The following EPHA3 variants were observed in gnomAD, a reference collection of about 807,000 sequenced individuals.
The protein encoded by EPHA3 is EPH receptor A3, also known as ephrin type-A receptor 3.
EPHA3 carries 42 observed loss-of-function variants against 107.1 expected under a neutral mutation model. The ratio of observed to expected loss-of-function variants is 0.39; its 90% CI spans 0.31 to 0.51. The LOEUF is 0.51. Ranked by LOEUF, EPHA3 falls within the 20% of genes least tolerant of loss-of-function variation. The probability of loss-of-function intolerance (pLI) is 0.78; values close to 1 mark genes in which losing one functional copy is unlikely to be tolerated. For missense variants in EPHA3, 1,183 were observed against 1,211.2 expected (o/e 0.98, Z 0.35); for synonymous variants, 461 against 424.8 (o/e 1.09, Z -1.05).
At chr3:89,474,115 A>G (rs1169382883) in intron 16 of EPHA3, among the ~76,000 whole-genome samples, 3 of 152,294 alleles carry the variant, frequency 2.0e-5, no homozygotes, top group South Asian at 4.1e-4. Flanking sequence ...CCAGAAAAGA[A>G]CATGCCATGT....
At chr3:89,356,373 G>A (rs147908035) in intron 5 of EPHA3, among the ~76,000 whole-genome samples, 1,763 of 150,890 alleles carry the variant, frequency 0.012, 40 homozygotes, top group African/African-American at 0.04. Context: ...TGGGTCAAAT[G>A]GTATTTCTAG....
At chr3:89,325,910 T>C (rs968337017) in intron 3 of EPHA3, among the ~76,000 whole-genome samples, 1 of 151,266 alleles carries the variant, frequency 6.6e-6, no homozygotes, top group African/African-American at 2.4e-5. Flanking sequence ...ATAATTAAGA[T>C]TTATATACAG....
At chr3:89,352,906 A>T (rs75291740) in intron 5 of EPHA3, among the ~76,000 whole-genome samples, 1 of 148,582 alleles carries the variant, frequency 6.7e-6, no homozygotes, top group Non-Finnish European at 1.5e-5. Context: ...CTGTCTCAAA[A>T]AAAAAAAAAA....
intron 2 of EPHA3, among the ~76,000 whole-genome samples, chr3:89,146,419 T>C (rs1354048685): frequency 6.6e-6 from 1 of 151,998 alleles, no homozygotes; most frequent in Non-Finnish European, 1.5e-5. Flanking sequence ...ATTCATATAT[T>C]TGTTGGCTGC....
chr3:89,205,296 T>A (rs1406588748), intron 2 of EPHA3, among the ~76,000 whole-genome samples: 1 of 152,222 alleles, frequency 6.6e-6, no homozygotes, highest in East Asian at 1.9e-4. Flanking sequence ...AATGATGATA[T>A]ACTAGCATAA....
At chr3:89,275,777 C>A (rs1051606177) in intron 3 of EPHA3, among the ~76,000 whole-genome samples, 1 of 152,022 alleles carries the variant, frequency 6.6e-6, no homozygotes, top group Non-Finnish European at 1.5e-5. Context: ...ACGGAAAAAT[C>A]TTGGTTTATT....
intron 3 of EPHA3, among the ~76,000 whole-genome samples, chr3:89,271,297 C>T (rs966968684): frequency 3.9e-5 from 6 of 152,030 alleles, no homozygotes; most frequent in Admixed American, 6.6e-5. Context: ...CTAGAAATGG[C>T]AATGTAAAGT....
At chr3:89,142,258 A>G (rs1215445033) in intron 2 of EPHA3, among the ~76,000 whole-genome samples, 1 of 151,418 alleles carries the variant, frequency 6.6e-6, no homozygotes, top group Admixed American at 6.6e-5. Context: ...AAGCACTGAA[A>G]TGATAGATAC....
chr3:89,112,530 C>T (rs971708539), intron 1 of EPHA3, among the ~76,000 whole-genome samples: 8 of 150,996 alleles, frequency 5.3e-5, no homozygotes, highest in South Asian at 2.1e-4. Context: ...AAATTTTTTT[C>T]GGAAATAAAA....
At chr3:89,133,253 A>G (rs1704244604) in intron 2 of EPHA3, among the ~76,000 whole-genome samples, 1 of 152,144 alleles carries the variant, frequency 6.6e-6, no homozygotes, top group South Asian at 2.1e-4. Flanking sequence ...AGCCCAATAC[A>G]TTGCCTCTGA....
intron 5 of EPHA3, among the ~76,000 whole-genome samples, chr3:89,392,337 G>T (rs1246783466): frequency 2.6e-5 from 4 of 152,026 alleles, no homozygotes; most frequent in Non-Finnish European, 4.4e-5. Context: ...TACTTGGGAG[G>T]CTGAGGCAGT....
At chr3:89,415,951 A>G (rs186336071) in intron 10 of EPHA3, among the ~76,000 whole-genome samples, 78 of 151,638 alleles carry the variant, frequency 5.1e-4, no homozygotes, top group Non-Finnish European at 8.3e-4. Flanking sequence ...TGGAGATCAT[A>G]GTAGTGTCTT....
intron 2 of EPHA3, among the ~76,000 whole-genome samples, chr3:89,192,125 A>G (rs1214849975): frequency 6.6e-6 from 1 of 152,172 alleles, no homozygotes; most frequent in African/African-American, 2.4e-5. Flanking sequence ...GTTTATAAAT[A>G]TCAATAACTT....
chr3:89,214,629 A>G (rs563247554), intron 3 of EPHA3, among the ~76,000 whole-genome samples: 2 of 151,906 alleles, frequency 1.3e-5, no homozygotes, highest in African/African-American at 2.4e-5. Context: ...TTAAACCTCT[A>G]GTCTATTAAA....
chr3:89,216,445 T>A (rs1028915013), intron 3 of EPHA3, among the ~76,000 whole-genome samples: 2 of 152,004 alleles, frequency 1.3e-5, no homozygotes, highest in African/African-American at 4.8e-5. Context: ...GGGATATTGG[T>A]TATTGTGAAT....
intron 3 of EPHA3, among the ~76,000 whole-genome samples, chr3:89,280,714 G>A (rs1296251732): frequency 6.6e-6 from 1 of 152,040 alleles, no homozygotes; most frequent in Non-Finnish European, 1.5e-5. Flanking sequence ...TACCACCTAG[G>A]AATAAATATG....
At chr3:89,161,489 A>C (rs1006878462) in intron 2 of EPHA3, among the ~76,000 whole-genome samples, 2 of 152,120 alleles carry the variant, frequency 1.3e-5, no homozygotes, top group African/African-American at 4.8e-5. Context: ...TGTATCTTGG[A>C]GATCTTTCAT....
chr3:89,205,803 CT>C (rs200473429), intron 2 of EPHA3, among the ~76,000 whole-genome samples: 48 of 147,610 alleles, frequency 3.3e-4, no homozygotes, highest in East Asian at 5.9e-4. Flanking sequence ...CTATGTCTCC[CT>C]TTTTTTTTTC....
intron 5 of EPHA3, among the ~76,000 whole-genome samples, chr3:89,382,900 G>T (rs1468722444): frequency 6.6e-6 from 1 of 152,180 alleles, no homozygotes; most frequent in Non-Finnish European, 1.5e-5. Flanking sequence ...AGCCCTAGAA[G>T]AGACAATTTC....
Sources: allele counts gnomAD v4.1 joint callset (sites outside exome capture counted in the v4.1 genomes callset), GRCh38; gene constraint gnomAD v4.1.1; transcripts MANE v1.5; gene names NCBI Gene and HGNC (gene_info 2026-07-23, HGNC 2026-07-21).